The following MACROD2 variants were observed in gnomAD, a reference collection of about 807,000 sequenced individuals.
The protein encoded by MACROD2 is ADP-ribose glycohydrolase MACROD2.
MACROD2 carries 36 observed loss-of-function variants against 70.4 expected under a neutral mutation model. The ratio of observed to expected loss-of-function variants is 0.51; its 90% CI spans 0.39 to 0.68. The LOEUF is 0.68. Ranked by LOEUF, MACROD2 falls within the 30% of genes least tolerant of loss-of-function variation. MACROD2 has a pLI of 0.00. For missense variants in MACROD2, 496 were observed against 538.4 expected, an observed-to-expected ratio of 0.92 and a Z score of 0.78; for synonymous variants, 172 against 178.8, an observed-to-expected ratio of 0.96 and a Z score of 0.30.
chr20:15,835,706 T>G (rs1267941043), intron 8 of MACROD2, among the ~76,000 whole-genome samples: 1 of 152,190 alleles, frequency 6.6e-6, no homozygotes, highest in Non-Finnish European at 1.5e-5. Context: ...ATGAGGAAAC[T>G]GAAGCTTAGA....
intron 6 of MACROD2, among the ~76,000 whole-genome samples, chr20:15,269,174 T>A (rs913079722): frequency 6.6e-6 from 1 of 152,244 alleles, no homozygotes; most frequent in Non-Finnish European, 1.5e-5. Context: ...CACATGGAAT[T>A]CTGGTTAAAA....
At chr20:14,447,697 G>C (rs1240324949) in intron 3 of MACROD2, among the ~76,000 whole-genome samples, 1 of 151,974 alleles carries the variant, frequency 6.6e-6, no homozygotes, top group Non-Finnish European at 1.5e-5. Flanking sequence ...TGTTTGGGCT[G>C]TAACTGAACT....
At chr20:15,429,286 A>G (rs886703042) in intron 6 of MACROD2, among the ~76,000 whole-genome samples, 4 of 152,162 alleles carry the variant, frequency 2.6e-5, no homozygotes, top group Non-Finnish European at 5.9e-5. Flanking sequence ...CATTCTTCAG[A>G]TGTTATTGGC....
At chr20:15,706,103 G>A (rs1268518149) in intron 8 of MACROD2, among the ~76,000 whole-genome samples, 1 of 152,136 alleles carries the variant, frequency 6.6e-6, no homozygotes, top group Admixed American at 6.5e-5. Flanking sequence ...AAGCATTTTT[G>A]TTTAATTTAG....
Position 14,763,947 on chromosome 20 carries a change from T to C in MACROD2, c.418+78988T>C, listed in dbSNP as rs1033399805. Among the ~76,000 whole-genome samples, 3 of 152,090 alleles carry C rather than the reference T, an allele frequency of 2.0e-5. No individual in the cohort carries two copies. The East Asian group carries it at 5.8e-4, about 29-fold the overall frequency. ...CTAAGGGGTTCACAAACCTCAGATA[T>C]ATGTATATACTTTCCCCTTGGGCTA... On this transcript the variant is annotated intron_variant, in intron 5 of 17. Transcript: ENST00000684519.
intron 5 of MACROD2, among the ~76,000 whole-genome samples, chr20:15,110,149 A>G (rs1410653199): frequency 6.6e-6 from 1 of 152,114 alleles, no homozygotes; most frequent in African/African-American, 2.4e-5. Context: ...TTCAGGGAGT[A>G]ATGTGTGTGC....
At chr20:14,937,628 T>C (rs1296610131) in intron 5 of MACROD2, among the ~76,000 whole-genome samples, 5 of 152,032 alleles carry the variant, frequency 3.3e-5, no homozygotes, top group Non-Finnish European at 5.9e-5. Context: ...AACAAATCAG[T>C]GTAATTGGGA....
At chr20:16,009,964 G>A (rs1404092355) in intron 15 of MACROD2, among the ~76,000 whole-genome samples, 2 of 152,128 alleles carry the variant, frequency 1.3e-5, no homozygotes, top group African/African-American at 4.8e-5. Flanking sequence ...ATTGCTGGGA[G>A]AGACAGTGGT....
intron 8 of MACROD2, among the ~76,000 whole-genome samples, chr20:15,838,967 A>C (rs8123985): frequency 0.029 from 4,426 of 152,236 alleles, 214 homozygotes; most frequent in African/African-American, 0.1. Context: ...ATGTGTATGC[A>C]TATGTAAACT....
chr20:15,711,759 T>A (rs188150784), intron 8 of MACROD2, among the ~76,000 whole-genome samples: 1 of 152,342 alleles, frequency 6.6e-6, no homozygotes, highest in African/African-American at 2.4e-5. Flanking sequence ...CACTCCCTGC[T>A]TTAGAGTAAT....
chr20:15,392,162 G>C (rs896577266), intron 6 of MACROD2, among the ~76,000 whole-genome samples: 5 of 152,216 alleles, frequency 3.3e-5, no homozygotes, highest in African/African-American at 1.2e-4. Context: ...TGGTATTAAA[G>C]GTACCATTGC....
chr20:15,733,871 T>C (rs1472793961), intron 8 of MACROD2, among the ~76,000 whole-genome samples: 2 of 152,184 alleles, frequency 1.3e-5, no homozygotes, highest in Non-Finnish European at 2.9e-5. Flanking sequence ...GAGCCAGAGA[T>C]AGAAAGACCC....
intron 2 of MACROD2, among the ~76,000 whole-genome samples, chr20:14,070,026 C>T (rs1051509059): frequency 6.6e-6 from 1 of 152,080 alleles, no homozygotes; most frequent in African/African-American, 2.4e-5. Flanking sequence ...CATTTAGAAC[C>T]ATCTAGCCTT....
chr20:15,331,257 A>G (rs1228343697), intron 6 of MACROD2, among the ~76,000 whole-genome samples: 3 of 151,742 alleles, frequency 2.0e-5, no homozygotes, highest in African/African-American at 7.3e-5. Context: ...GATTTGTAAT[A>G]TAAAGAATTC....
intron 8 of MACROD2, among the ~76,000 whole-genome samples, chr20:15,809,432 G>A (rs534544221): frequency 1.3e-5 from 2 of 152,342 alleles, no homozygotes; most frequent in African/African-American, 2.4e-5. Context: ...TGTACAAGAA[G>A]CACGGCTTCA....
At chr20:15,890,269 G>T (rs1197103205) in intron 10 of MACROD2, among the ~76,000 whole-genome samples, 1 of 152,122 alleles carries the variant, frequency 6.6e-6, no homozygotes, top group Non-Finnish European at 1.5e-5. Context: ...TTCCCATTCT[G>T]GTGGAAAATG....
intron 12 of MACROD2, among the ~76,000 whole-genome samples, chr20:15,946,539 C>A (rs1260066448): frequency 1.3e-5 from 2 of 152,128 alleles, no homozygotes; most frequent in African/African-American, 4.8e-5. Flanking sequence ...CGTTTATAAA[C>A]CTTAAATGTT....
chr20:14,404,268 T>C (rs2122845966), intron 3 of MACROD2, among the ~76,000 whole-genome samples: 1 of 152,222 alleles, frequency 6.6e-6, no homozygotes, highest in Middle Eastern at 3.4e-3. Flanking sequence ...TTTGAAAACA[T>C]AAAGGCTAAG....
intron 5 of MACROD2, among the ~76,000 whole-genome samples, chr20:15,181,579 T>A (rs1335947751): frequency 6.6e-6 from 1 of 152,228 alleles, no homozygotes; most frequent in Non-Finnish European, 1.5e-5. Context: ...TTACATATAC[T>A]ATGTTATATA....
Sources: allele counts gnomAD v4.1 joint callset (sites outside exome capture counted in the v4.1 genomes callset), GRCh38; gene constraint gnomAD v4.1.1; transcripts MANE v1.5; gene names NCBI Gene and HGNC (gene_info 2026-07-23, HGNC 2026-07-21).